RBM25: variants seen among roughly 807,000 people sequenced by gnomAD.
RBM25 encodes RNA-binding protein 25.
Under a neutral mutation model 120.7 loss-of-function variants are expected in RBM25, and 19 were observed. That is an observed-to-expected ratio of 0.16 (90% confidence interval 0.11 to 0.23). The LOEUF (loss-of-function observed/expected upper bound fraction) is 0.23, where lower values mean the gene tolerates loss of function less well. RBM25 is among the 10% of genes least tolerant of loss of function. The probability of loss-of-function intolerance (pLI) is 1.00; values close to 1 mark genes in which losing one functional copy is unlikely to be tolerated. For missense variants in RBM25, 605 were observed against 1,041.5 expected (o/e 0.58, Z 5.77); for synonymous variants, 390 against 326.7 (o/e 1.19, Z -2.09).
intron 5 of RBM25, among the ~76,000 whole-genome samples, chr14:73,085,085 C>A (rs1370724718): frequency 6.6e-6 from 1 of 151,844 alleles, no homozygotes; most frequent in African/African-American, 2.4e-5. Context: ...GTGGCATAAT[C>A]TTGGCTCACT....
chr14:73,100,040 T>C, intron 9 of RBM25: 1 of 470,512 alleles, frequency 2.1e-6, no homozygotes, highest in East Asian at 3.4e-5. Context: ...AAGGTCAGAC[T>C]TAAATTAGAT....
intron 17 of RBM25, among the ~76,000 whole-genome samples, chr14:73,112,766 G>A (rs1896338469): frequency 4.6e-5 from 7 of 151,774 alleles, no homozygotes; most frequent in Admixed American, 4.6e-4. Context: ...TATTGTGTTA[G>A]TTTTGTTTGT....
chr14:73,103,946 T>TCACA (rs1566597468), intron 10 of RBM25, among the ~76,000 whole-genome samples: 18 of 43,942 alleles, frequency 4.1e-4, no homozygotes, highest in South Asian at 6.5e-4. Context: ...TCTCTCTCTC[T>TCACA]CTCACACACA....
intron 4 of RBM25, among the ~76,000 whole-genome samples, chr14:73,081,758 T>C (rs1301747260): frequency 2.0e-5 from 3 of 152,240 alleles, no homozygotes; most frequent in Non-Finnish European, 4.4e-5. Context: ...TTCCTCACAT[T>C]GAAGGTGCTG....
chr14:73,073,694 G>GA (rs985843844), intron 2 of RBM25, among the ~76,000 whole-genome samples: 4 of 150,350 alleles, frequency 2.7e-5, no homozygotes, highest in African/African-American at 4.9e-5. Context: ...GTCTCAAAAA[G>GA]AAAAAAAAAT....
intron 10 of RBM25, among the ~76,000 whole-genome samples, chr14:73,104,909 G>A (rs1896147393): frequency 6.6e-6 from 1 of 151,988 alleles, no homozygotes. Context: ...CCTTCAGTAG[G>A]CATTAAAATT....
chr14:73,108,348 G>A (rs1237043400), intron 13 of RBM25, among the ~76,000 whole-genome samples: 1 of 152,160 alleles, frequency 6.6e-6, no homozygotes, highest in Non-Finnish European at 1.5e-5. Context: ...CCACACCTGT[G>A]TGCTAGGTCC....
rs188750269 is a variant in RBM25, at chr14:73,106,409, T to G, written c.1467+124T>G. 6.0e-4 allele frequency: 491 copies of G among 819,184 alleles called. 1 individual carries two copies. The highest frequency in any genetic ancestry group is 1.2e-3 in the South Asian group (30 of 25,140). The allele number at this position is 819,184 out of a possible 1,614,324, so 50.7% of individuals were successfully genotyped here. ...TTCTCTATTCATGTATAATTTAATT[T>G]TTATGTATTTTGAGTAATTTTGAGC... is the stretch of plus-strand genomic sequence containing the variant. On this transcript the variant is annotated intron_variant, in intron 12 of 18. Transcript: ENST00000261973.
At chr14:73,068,611 G>C (rs1051795401) in intron 1 of RBM25, 1 of 476,514 alleles carries the variant, frequency 2.1e-6, no homozygotes, top group East Asian at 5.2e-5. Context: ...GAGAAGTCTG[G>C]CTGGCATTAC....
chr14:73,068,456 G>T, intron 1 of RBM25: 2 of 769,550 alleles, frequency 2.6e-6, no homozygotes, highest in Non-Finnish European at 2.2e-6. Flanking sequence ...TGTATTATCA[G>T]GAAGGAACAA....
chr14:73,122,480 T>C lies in RBM25; in HGVS notation c.*2675T>C, dbSNP rs61985157. ...TAGTAGAGACAGGATTTCACCTTGT[T>C]GGCCAGGCTGGTCTCAAACTCCTGA... On this transcript the variant is annotated 3_prime_UTR_variant, in exon 19 of 19. Transcript: ENST00000261973. The C allele has an allele frequency of 0.11, 16,873 of 152,052 alleles. 1,135 individuals carry two copies. Among genetic ancestry groups the C allele is most frequent in the African/African-American group, 0.19 (7,686 of 41,420 alleles). 9.4% of individuals were successfully genotyped at this position (152,052 alleles called of 1,614,324 possible). A position where few individuals can be genotyped will look rare whatever the true frequency, so the allele number is the denominator to read the frequency against.
intron 4 of RBM25, 143 bp downstream of exon 4, chr14:73,077,679 C>A: frequency 1.4e-6 from 1 of 696,850 alleles, no homozygotes; most frequent in Non-Finnish European, 2.3e-6. Flanking sequence ...ACAGTGAACA[C>A]GTTTGTATTC....
intron 4 of RBM25, among the ~76,000 whole-genome samples, chr14:73,083,034 C>G (rs916325765): frequency 6.6e-5 from 10 of 152,110 alleles, no homozygotes; most frequent in Admixed American, 6.5e-4. Flanking sequence ...GACCCAAGAT[C>G]ACGCCACTGC....
rs111802800 is a variant in RBM25 at position 73,085,055 on chromosome 14, T to C, written c.382+1504T>C. Among the ~76,000 whole-genome samples the C allele has an allele frequency of 5.0e-3, 751 of 150,514 alleles. 5 individuals carry two copies. The highest frequency in any genetic ancestry group is 0.017 in the African/African-American group (690 of 40,986). ...TTTTTTTTGAGACAGAGTCTTGTTA[T>C]GTTGCCAGGCTGGAGTGCAGTGGCA... On this transcript the variant is annotated intron_variant, in intron 5 of 18. Coordinates refer to ENST00000261973, the MANE Select transcript of RBM25 (RefSeq NM_021239.3).
chr14:73,078,846 C>T (rs139052271), intron 4 of RBM25, among the ~76,000 whole-genome samples: 168 of 152,246 alleles, frequency 1.1e-3, no homozygotes, highest in African/African-American at 3.8e-3. Context: ...TCAAGCAAAC[C>T]GCCTGCGTTG....
In RBM25 at chr14:73,098,531, A is replaced by G. The variant is rs138859958; in HGVS notation, c.730-849A>G. On this transcript the variant is annotated intron_variant, in intron 7 of 18. Coordinates refer to ENST00000261973, the MANE Select transcript of RBM25 (RefSeq NM_021239.3). ...GATGGTTACATTTTATATTATTTTA[A>G]ATTTCAGTGCCTTTTTAGGCCATAT... is the stretch of plus-strand genomic sequence containing the variant. 9.3e-4 allele frequency among the ~76,000 whole-genome samples: 141 copies of G among 152,254 alleles called. 1 individual carries two copies. Among genetic ancestry groups the G allele is most frequent in the African/African-American group, 1.1e-3 (44 of 41,526 alleles).
chr14:73,058,735 AACCGGGAG>A (rs1894921746), intron 1 of RBM25, 30 bp downstream of exon 1: 1 of 151,910 alleles, frequency 6.6e-6, no homozygotes, highest in South Asian at 2.1e-4. Context: ...CGCGTGTGGA[AACCGGGAG>A]ACCGGGTGCC....
In RBM25 at chr14:73,064,676, A is replaced by T. The variant is rs569526469; in HGVS notation, c.-16+5971A>T. ...CCAAAGTGCTGGGATTACAGATGTG[A>T]GCCACCGCGCCCAGGAGAGGCCAGT... On this transcript the variant is annotated intron_variant, in intron 1 of 18. Coordinates refer to ENST00000261973, the MANE Select transcript of RBM25 (RefSeq NM_021239.3). Among the ~76,000 whole-genome samples, 6 of 151,434 alleles carry T rather than the reference A, an allele frequency of 4.0e-5. No homozygotes were observed. In the East Asian group the frequency reaches 1.2e-3, roughly 29 times the overall value.
At position 73,119,809 on chromosome 14, in the gene RBM25, T is replaced by C; in HGVS notation, c.*4T>C. ...GAAAATTGGTCTTGTGAAGTAAAAC[T>C]TTTTATATTTAGAGTTCCATTTCAG... On this transcript the variant is annotated 3_prime_UTR_variant, in exon 19 of 19. Transcript: ENST00000261973. 6.3e-7 allele frequency: 1 copy of C among 1,599,240 alleles called. No individual in the cohort carries two copies. Among genetic ancestry groups the C allele is most frequent in the South Asian group, 1.1e-5 (1 of 87,004 alleles).
Sources: allele counts gnomAD v4.1 joint callset (sites outside exome capture counted in the v4.1 genomes callset), GRCh38; gene constraint gnomAD v4.1.1; transcripts MANE v1.5; gene names NCBI Gene and HGNC (gene_info 2026-07-23, HGNC 2026-07-21).